The following SUCLA2 variants were observed in gnomAD, a reference collection of about 807,000 sequenced individuals.
The protein encoded by SUCLA2 is succinate-CoA ligase ADP-forming subunit beta, also known as succinate--CoA ligase [ADP-forming] subunit beta, mitochondrial.
A neutral mutation model predicts 54.8 loss-of-function variants in SUCLA2; 30 were observed. That is an observed-to-expected ratio of 0.55 (90% CI 0.41 to 0.74). The LOEUF is 0.74. SUCLA2 is among the 30% of genes least tolerant of loss of function. SUCLA2 has a pLI of 0.00. For missense variants in SUCLA2, 476 were observed against 562.9 expected (o/e 0.85, Z 1.56); for synonymous variants, 172 against 188.9 (o/e 0.91, Z 0.74).
Position 47,954,421 on chromosome 13 carries a change from G to T in SUCLA2, c.939C>A (p.Gly313=). 3 of 1,613,946 alleles carry T rather than the reference G, an allele frequency of 1.9e-6. No individual in the cohort carries two copies. The highest frequency in any genetic ancestry group is 2.5e-6 in the Non-Finnish European group (3 of 1,179,900). ...CTAGGCAGCCTATATTTCCATCGAG[G>T]CCAATGTAGTTGAGATTTGCCTTAG... The part of the protein sequence containing the change: ...DAAKANLNYI[G]LDGNIGCLVN... Residue 313 remains glycine, a synonymous_variant, in exon 7 of 11, where the codon GGC becomes GGA. Coordinates refer to ENST00000646932, the MANE Select transcript of SUCLA2 (RefSeq NM_003850.3).
intron 4 of SUCLA2, among the ~76,000 whole-genome samples, chr13:47,987,210 A>G (rs73495307): frequency 0.18 from 27,114 of 152,126 alleles, 3,459 homozygotes; most frequent in African/African-American, 0.34. Context: ...TGCCTTAAAC[A>G]TATCTTTAAT....
chr13:47,972,350 T>C (rs868570414), intron 5 of SUCLA2, among the ~76,000 whole-genome samples: 2 of 151,546 alleles, frequency 1.3e-5, no homozygotes, highest in Admixed American at 6.6e-5. Flanking sequence ...CTAGAGAAAT[T>C]TGAATGACTA....
chr13:47,996,546 G>C (rs1447007936), intron 2 of SUCLA2, among the ~76,000 whole-genome samples: 2 of 151,970 alleles, frequency 1.3e-5, no homozygotes, highest in African/African-American at 4.8e-5. Context: ...AGAGTAGTTA[G>C]AGTGGTAGTA....
At chr13:47,947,191 A>T (rs1049423763) in intron 10 of SUCLA2, among the ~76,000 whole-genome samples, 1 of 152,174 alleles carries the variant, frequency 6.6e-6, no homozygotes, top group Non-Finnish European at 1.5e-5. Flanking sequence ...GAACTGAACT[A>T]CATCAATGTT....
Position 47,968,691 on chromosome 13 carries a change from C to T in SUCLA2, c.706G>A (p.Ala236Thr). 6.2e-7 allele frequency: 1 copy of T among 1,612,192 alleles called. No individual in the cohort carries two copies. The highest frequency in any genetic ancestry group is 8.5e-7 in the Non-Finnish European group (1 of 1,179,890). The part of the protein sequence containing the change: ...MGFPPNIVES[A>T]AENMVKLYSL... ...TAAAGCTTGACCATGTTTTCTGCTG[C>T]TGATTCCACAATATTAGGTGGAAAT... The change falls in exon 6 of 11, where the codon GCA becomes ACA. Residue 236 changes from alanine (A) to threonine (T), a missense_variant. Ala to Thr is a moderately conservative substitution (Grantham distance 58). Coordinates refer to ENST00000646932, the MANE Select transcript of SUCLA2 (RefSeq NM_003850.3).
chr13:47,996,858 T>C lies in SUCLA2; in HGVS notation c.256A>G (p.Ile86Val), dbSNP rs61756204. The C allele has an allele frequency of 7.6e-4, 1,234 of 1,613,438 alleles. 5 individuals carry two copies. In the African/African-American group the frequency reaches 0.015, roughly 19 times the overall value. The change falls in exon 2 of 11, where the codon ATT becomes GTT. Residue 86 changes from isoleucine (I) to valine (V), a missense_variant. Coordinates refer to ENST00000646932, the MANE Select transcript of SUCLA2 (RefSeq NM_003850.3). The part of the protein sequence containing the change: ...VAKSPDEAYA[I>V]AKKLGSKDVV... Reference sequence around the variant, plus strand: ...AATTTAGTACCTAATTTTTTGGCAATTGCATAAGCTTCATCTGGTGACTTT... The same window carrying C: ...AATTTAGTACCTAATTTTTTGGCAACTGCATAAGCTTCATCTGGTGACTTT...
At chr13:47,950,223 G>T (rs78641839) in intron 8 of SUCLA2, among the ~76,000 whole-genome samples, 271 of 152,250 alleles carry the variant, frequency 1.8e-3, no homozygotes, top group African/African-American at 6.2e-3. Flanking sequence ...TTGACAAGAG[G>T]GTCTGAGATG....
At chr13:47,951,211 T>C (rs1949772616) in intron 8 of SUCLA2, among the ~76,000 whole-genome samples, 1 of 152,060 alleles carries the variant, frequency 6.6e-6, no homozygotes, top group South Asian at 2.1e-4. Context: ...AATGTATAAA[T>C]CTCATTCTCC....
chr13:47,988,881 C>A lies in SUCLA2; in HGVS notation c.371+1G>T. 6.2e-7 allele frequency: 1 copy of A among 1,612,052 alleles called. No individual in the cohort carries two copies. The highest frequency in any genetic ancestry group is 8.5e-7 in the Non-Finnish European group (1 of 1,179,758). On this transcript the variant is annotated splice_donor_variant, in intron 3 of 10. Coordinates refer to ENST00000646932, the MANE Select transcript of SUCLA2 (RefSeq NM_003850.3). LOFTEE classifies it high-confidence loss of function. ...ATTTTTCCTTAAAAAATGTGACTTA[C>A]GAGAAAACTATCTTCACTCCTCCTT... is the stretch of plus-strand genomic sequence containing the variant.
intron 6 of SUCLA2, among the ~76,000 whole-genome samples, chr13:47,965,960 A>T (rs1489437269): frequency 6.6e-6 from 1 of 152,218 alleles, no homozygotes; most frequent in Non-Finnish European, 1.5e-5. Context: ...AGGCAGAAGA[A>T]TGGTGAGAAC....
intron 2 of SUCLA2, among the ~76,000 whole-genome samples, chr13:47,995,641 A>T (rs1464069397): frequency 6.6e-6 from 1 of 152,188 alleles, no homozygotes; most frequent in African/African-American, 2.4e-5. Context: ...AAAAATATAA[A>T]AGCAAAGTAT....
rs1250302678 is a variant in SUCLA2 at position 48,001,262 on chromosome 13, G to A, written c.8C>T (p.Ala3Val). ...CACTAGCCTGCCGTAGAACATGGAG[G>A]CCGCCATTTCTGAGTCGGACCCCGT... Reference protein sequence around the residue: MAASMFYGRLVAV... With the variant: MAVSMFYGRLVAV... The change falls in exon 1 of 11, where the codon GCC becomes GTC. Residue 3 changes from alanine to valine, a missense_variant. This residue lies in a region of SUCLA2 where 134 missense variants were observed against 118.7 expected (regional missense o/e 1.13). Transcript: ENST00000646932. 5 of 1,601,566 alleles carry A rather than the reference G, an allele frequency of 3.1e-6. No homozygotes were observed. Among genetic ancestry groups the A allele is most frequent in the East Asian group, 2.3e-5 (1 of 44,336 alleles).
At chr13:47,947,240 A>AC (rs1479681411) in intron 10 of SUCLA2, among the ~76,000 whole-genome samples, 1 of 151,994 alleles carries the variant, frequency 6.6e-6, no homozygotes, top group Non-Finnish European at 1.5e-5. Context: ...AGTGGAACAC[A>AC]CATGTGTATG....
intron 6 of SUCLA2, among the ~76,000 whole-genome samples, chr13:47,966,681 A>G (rs1949921523): frequency 1.3e-5 from 2 of 150,396 alleles, no homozygotes; most frequent in African/African-American, 4.9e-5. Context: ...TTATTTCTTC[A>G]TTAATTCAGA....
intron 8 of SUCLA2, among the ~76,000 whole-genome samples, chr13:47,951,813 A>T (rs1169357929): frequency 6.6e-6 from 1 of 152,022 alleles, no homozygotes; most frequent in Non-Finnish European, 1.5e-5. Context: ...TATTTCCTCC[A>T]GGTCTTCACC....
Position 47,954,390 on chromosome 13 carries a change from T to A in SUCLA2, c.964+6A>T. The A allele has an allele frequency of 6.2e-7, 1 of 1,613,946 alleles. No individual in the cohort carries two copies. Among genetic ancestry groups the A allele is most frequent in the Admixed American group, 1.7e-5 (1 of 59,990 alleles). ...AATCCAATTCTAACATAAAAACACA[T>A]GGTACCTAGGCAGCCTATATTTCCA... On this transcript the variant is annotated splice_donor_region_variant and intron_variant, in intron 7 of 10. Transcript: ENST00000646932.
chr13:47,972,678 A>G (rs1949977268), intron 5 of SUCLA2, among the ~76,000 whole-genome samples: 2 of 150,896 alleles, frequency 1.3e-5, no homozygotes. Context: ...TAAAAAAAAA[A>G]AAAAAAGAAA....
At position 47,970,012 on chromosome 13, in the gene SUCLA2, A is replaced by C. The variant is rs568903646; in HGVS notation, c.664-1279T>G. On this transcript the variant is annotated intron_variant, in intron 5 of 10. Transcript: ENST00000646932. The stretch of plus-strand genomic sequence containing the variant: ...AGCTACTCGAGAGGCTGAGACACAA[A>C]AACTGCTTGAACTCAGGAGGTGGAG... 3.3e-5 allele frequency among the ~76,000 whole-genome samples: 5 copies of C among 151,884 alleles called. No homozygotes were observed. The East Asian group carries it at 9.7e-4, about 30-fold the overall frequency.
At chr13:47,946,095 C>T (rs931592142) in intron 10 of SUCLA2, among the ~76,000 whole-genome samples, 1 of 152,226 alleles carries the variant, frequency 6.6e-6, no homozygotes, top group African/African-American at 2.4e-5. Context: ...TTTATCATCT[C>T]ATTATCACCA....
Sources: gnomAD v4.1 joint callset for allele counts (sites outside exome capture counted in the v4.1 genomes callset) on GRCh38, gnomAD v4.1.1 for gene constraint, gnomAD v4.1.1 regional missense constraint, MANE v1.5 for transcripts, NCBI Gene and HGNC (gene_info 2026-07-23, HGNC 2026-07-21) for gene names.